The following SP110 variants were observed in gnomAD, a reference collection of about 807,000 sequenced individuals.
SP110 encodes interferon-induced protein 41, 30kD.
A neutral mutation model predicts 92.7 loss-of-function variants in SP110; 62 were observed. The ratio of observed to expected loss-of-function variants is 0.67; its 90% confidence interval spans 0.55 to 0.83. The LOEUF (loss-of-function observed/expected upper bound fraction) is 0.83. Among genes scored for constraint, SP110 ranks in the 40% least tolerant of loss-of-function variants. The pLI is 0.00. For synonymous variants in SP110, 273 were observed against 305.3 expected (o/e 0.89, Z 1.10); for missense variants, 793 against 863.9 (o/e 0.92, Z 1.03).
intron 10 of SP110, among the ~76,000 whole-genome samples, chr2:230,199,163 T>C (rs560523461): frequency 5.6e-5 from 8 of 144,120 alleles, no homozygotes; most frequent in Non-Finnish European, 1.2e-4. Flanking sequence ...TTTTTTTTTT[T>C]AGTGGGGTGA....
chr2:230,215,338 A>G (rs2044999026), intron 2 of SP110, among the ~76,000 whole-genome samples: 1 of 152,220 alleles, frequency 6.6e-6, no homozygotes, highest in Non-Finnish European at 1.5e-5. Context: ...AAAAATAAAT[A>G]ATTTAGCTTT....
intron 17 of SP110, 114 bp from the exon 18 acceptor site, chr2:230,170,875 G>T: frequency 9.2e-7 from 1 of 1,092,716 alleles, no homozygotes; most frequent in South Asian, 1.3e-5. Context: ...AATACCATTT[G>T]ACCTCTTTAA....
intron 14 of SP110, chr2:230,176,640 T>G: frequency 1.1e-5 from 18 of 1,614,038 alleles, no homozygotes; most frequent in Non-Finnish European, 1.4e-5. Context: ...GTCTGCAACA[T>G]GGTGACTGAG....
At chr2:230,178,461 C>CAA (rs11382160) in intron 12 of SP110, among the ~76,000 whole-genome samples, 1,556 of 148,696 alleles carry the variant, frequency 0.01, 31 homozygotes, top group African/African-American at 0.032. Context: ...AACACTATAT[C>CAA]AAAAAAAAAA....
Position 230,183,611 on chromosome 2 carries a change from T to C in SP110, c.1309A>G (p.Ser437Gly). Residue 437 changes from serine (S) to glycine (G), a missense_variant, in exon 12 of 19, where the codon AGC becomes GGC. Ser to Gly is a moderately conservative substitution (Grantham distance 56, BLOSUM62 0). Transcript: ENST00000258381. The part of the protein sequence containing the change: ...EKKKEKDICS[S>G]SKRRFQKNIH... Reference sequence around the variant, plus strand: ...TTTTTCTGAAATCTCCTTTTTGAGCTTGAACAGATATCTTTCTCCTTTTTC... The same window carrying C: ...TTTTTCTGAAATCTCCTTTTTGAGCCTGAACAGATATCTTTCTCCTTTTTC... 6.2e-7 allele frequency: 1 copy of C among 1,603,644 alleles called. No homozygotes were observed. The highest frequency in any genetic ancestry group is 8.5e-7 in the Non-Finnish European group (1 of 1,170,320).
At chr2:230,215,162 G>T in intron 2 of SP110, 44 bp from the exon 3 acceptor site, 1 of 1,458,780 alleles carries the variant, frequency 6.9e-7, no homozygotes, top group South Asian at 1.1e-5. Flanking sequence ...CTATAAAATT[G>T]AATGGGAAGT....
At position 230,170,683 on chromosome 2, in the gene SP110, T is replaced by G; in HGVS notation, c.1966A>C (p.Thr656Pro). Residue 656 changes from threonine (T) to proline (P), a missense_variant, in exon 18 of 19, where the codon ACG becomes CCG. Coordinates refer to ENST00000258381, the MANE Select transcript of SP110 (RefSeq NM_080424.4). ...VKERLITEMY[T>P]VAWFVRDMRL... ...ATGTCTCGCACAAACCATGCCACCG[T>G]GTACATTTCCGTAATCAGCCTTTCC... is the stretch of plus-strand genomic sequence containing the variant. 1 of 1,614,156 alleles carries G rather than the reference T, an allele frequency of 6.2e-7. No homozygotes were observed. The highest frequency in any genetic ancestry group is 2.2e-5 in the East Asian group (1 of 44,874).
chr2:230,184,034 G>T (rs1213069104), intron 11 of SP110, among the ~76,000 whole-genome samples: 1 of 152,190 alleles, frequency 6.6e-6, no homozygotes, highest in Non-Finnish European at 1.5e-5. Context: ...AACCAAGACA[G>T]CTACTAAGTG....
intron 16 of SP110, 87 bp downstream of exon 16, chr2:230,171,978 CT>C: frequency 1.1e-6 from 1 of 903,482 alleles, no homozygotes. Flanking sequence ...TGAAGGCTCC[CT>C]TTGGTACATT....
At chr2:230,171,615 G>T in intron 17 of SP110, 81 bp downstream of exon 17, 1 of 1,069,620 alleles carries the variant, frequency 9.3e-7, no homozygotes, top group Non-Finnish European at 1.5e-6. Context: ...AGCTTCCTGA[G>T]CAAACTGCAG....
rs1129411 is a variant in SP110 at position 230,213,010 on chromosome 2, A to G, written c.334T>C (p.Trp112Arg). Residue 112 changes from tryptophan (W) to arginine (R), a missense_variant, in exon 4 of 19, where the codon TGG becomes CGG. Transcript: ENST00000258381. ...AGGATTGGTGTGTCTCTGCTCTGCC[A>G]TTCATAGGAAGCACCAACTGGGATT... is the stretch of plus-strand genomic sequence containing the variant. ...SFKRVGASYE[W>R]QSRDTPILLE... is the part of the protein sequence containing the mutation. The G allele has an allele frequency of 0.89, 1,437,799 of 1,613,738 alleles. 641,644 individuals carry two copies. The highest frequency in any genetic ancestry group is 1 in the East Asian group (44,798 of 44,862).
intron 10 of SP110, among the ~76,000 whole-genome samples, chr2:230,194,153 C>A (rs1896259): frequency 0.76 from 115,991 of 151,882 alleles, 44,414 homozygotes; most frequent in Admixed American, 0.83. Context: ...AATTAGAGGG[C>A]TTTCCAAAGC....
At chr2:230,218,976 G>C (rs1401412128) in intron 1 of SP110, among the ~76,000 whole-genome samples, 1 of 152,230 alleles carries the variant, frequency 6.6e-6, no homozygotes, top group African/African-American at 2.4e-5. Flanking sequence ...TGTAATCCCA[G>C]CACTTTGGGA....
rs1404877900 is a variant in SP110, at chr2:230,208,066, A to T, written c.830-7T>A. ...CATCTTTTTCTTTTCTTTCCTAAAA[A>T]GAAAGGATAATGTTTTATAGTTACA... is the stretch of plus-strand genomic sequence containing the variant. On this transcript the variant is annotated splice_region_variant and splice_polypyrimidine_tract_variant and intron_variant, in intron 7 of 18. Transcript: ENST00000258381. 7.0e-7 allele frequency: 1 copy of T among 1,428,366 alleles called. No individual in the cohort carries two copies. The highest frequency in any genetic ancestry group is 1.2e-5 in the South Asian group (1 of 86,230). 88.5% of individuals were successfully genotyped at this position (1,428,366 alleles called of 1,614,324 possible). A position where few individuals can be genotyped will look rare whatever the true frequency, so the allele number is the denominator to read the frequency against.
chr2:230,214,841 A>G, intron 3 of SP110, 109 bp downstream of exon 3: 1 of 910,240 alleles, frequency 1.1e-6, no homozygotes, highest in East Asian at 2.5e-5. Flanking sequence ...ATTCCACCCC[A>G]GAGAGAAGGC....
intron 10 of SP110, among the ~76,000 whole-genome samples, chr2:230,192,435 A>G (rs967181222): frequency 3.3e-5 from 5 of 152,218 alleles, no homozygotes; most frequent in African/African-American, 1.2e-4. Context: ...ACTTCAACAA[A>G]GTCTCAGGAT....
Position 230,169,095 on chromosome 2 carries a change from G to A in SP110, c.*29C>T. The A allele has an allele frequency of 7.2e-7, 1 of 1,396,742 alleles. No homozygotes were observed. The highest frequency in any genetic ancestry group is 1.0e-6 in the Non-Finnish European group (1 of 982,006). 86.5% of individuals were successfully genotyped at this position (1,396,742 alleles called of 1,614,324 possible). ...GGTCCCATCAGCTGAATCCTGAGGT[G>A]GGGATGCTTCAGTCTTTACAGAACA... On this transcript the variant is annotated 3_prime_UTR_variant, in exon 19 of 19. Coordinates refer to ENST00000258381, the MANE Select transcript of SP110 (RefSeq NM_080424.4).
chr2:230,203,256 G>A (rs1040958148), intron 8 of SP110: 33 of 172,986 alleles, frequency 1.9e-4, no homozygotes, highest in Admixed American at 1.8e-3. Context: ...ACCCAGAGGA[G>A]GTGCAATGCC....
chr2:230,217,000 C>G, intron 1 of SP110, 72 bp from the exon 2 acceptor site: 2 of 1,345,994 alleles, frequency 1.5e-6, no homozygotes, highest in Non-Finnish European at 1.0e-6. Context: ...AATCCCGGCA[C>G]TTTGGGAGGC....
Sources: allele counts gnomAD v4.1 joint callset (sites outside exome capture counted in the v4.1 genomes callset), GRCh38; gene constraint gnomAD v4.1.1; transcripts MANE v1.5; gene names NCBI Gene and HGNC (gene_info 2026-07-23, HGNC 2026-07-21).